Variants in THOC6 observed in about 807,000 individuals in gnomAD.
THOC6 encodes THO complex 6.
A neutral mutation model predicts 55.8 loss-of-function variants in THOC6; 39 were observed. The observed-to-expected ratio is 0.70, with a 90% confidence interval of 0.54 to 0.91. The LOEUF (loss-of-function observed/expected upper bound fraction) is 0.91, where lower values mean the gene tolerates loss of function less well. Among genes scored for constraint, THOC6 ranks in the 40% least tolerant of loss-of-function variants. The probability of loss-of-function intolerance (pLI) is 0.00; values close to 1 mark genes in which losing one functional copy is unlikely to be tolerated. For missense variants in THOC6, 482 were observed against 442.0 expected (o/e 1.09, Z -0.81); for synonymous variants, 192 against 175.6 (o/e 1.09, Z -0.74).
chr16:3,024,451 G>C, intron 1 of THOC6, 86 bp downstream of exon 1: 1 of 1,536,754 alleles, frequency 6.5e-7, no homozygotes, highest in Non-Finnish European at 9.0e-7. Flanking sequence ...CGTGCCCTGA[G>C]CCCTGTTTTG....
At chr16:3,025,856 G>A (rs1490283622) in intron 2 of THOC6, 33 bp downstream of exon 2, 3 of 1,614,012 alleles carry the variant, frequency 1.9e-6, no homozygotes, top group Non-Finnish European at 2.5e-6. Context: ...CATTAGCCCT[G>A]GCACTTGGCC....
At chr16:3,025,520 C>T (rs938520558) in intron 1 of THOC6, among the ~76,000 whole-genome samples, 188 bp from the exon 2 acceptor site, 2 of 152,258 alleles carry the variant, frequency 1.3e-5, no homozygotes, top group African/African-American at 4.8e-5. Context: ...TCCCCTTCTT[C>T]AGTGTCTTCT....
At position 3,027,520 on chromosome 16, in the gene THOC6, C is replaced by T. The variant is rs193082214; in HGVS notation, c.945+20C>T. ...TGCAAGGTGGGTCCGGCAGGGGCCGCGGAGCGGCTGGGAGGCAGGGGTGTG... is the reference window on the plus strand; with the variant it reads ...TGCAAGGTGGGTCCGGCAGGGGCCGTGGAGCGGCTGGGAGGCAGGGGTGTG... On this transcript the variant is annotated intron_variant, in intron 12 of 12. Transcript: ENST00000326266. The T allele has an allele frequency of 1.3e-5, 21 of 1,611,728 alleles. No homozygotes were observed. In the South Asian group the frequency reaches 1.4e-4, roughly 11 times the overall value.
Position 3,026,359 on chromosome 16 carries a change from C to T in THOC6, c.363-6C>T, listed in dbSNP as rs761115205. 33 of 1,613,962 alleles carry T rather than the reference C, an allele frequency of 2.0e-5. No homozygotes were observed. In the Admixed American group the frequency reaches 3.7e-4, roughly 18 times the overall value. On this transcript the variant is annotated splice_polypyrimidine_tract_variant and splice_region_variant and intron_variant, in intron 5 of 12. Coordinates refer to ENST00000326266, the MANE Select transcript of THOC6 (RefSeq NM_024339.5). Reference sequence around the variant, plus strand: ...TTCCTCACTGACCTTGCCTTTCCTTCCCCAGGACCAGCCTGGAAGTGCCTG... The same window carrying T: ...TTCCTCACTGACCTTGCCTTTCCTTTCCCAGGACCAGCCTGGAAGTGCCTG...
rs889667066 is a variant in THOC6 at position 3,024,096 on chromosome 16, C to T, written c.-231C>T. ...CGGCGCGTGGCGGAAGGCAGGCTTG[C>T]TCCTCGGGGTGGGGGAGGGTATCCG... On this transcript the variant is annotated 5_prime_UTR_variant, in exon 1 of 13. Transcript: ENST00000326266. 2.7e-6 allele frequency: 2 copies of T among 735,556 alleles called. No individual in the cohort carries two copies. The highest frequency in any genetic ancestry group is 3.5e-5 in the African/African-American group (2 of 56,564). The allele number at this position is 735,556 out of a possible 1,614,324, so 45.6% of individuals were successfully genotyped here.
Position 3,026,154 on chromosome 16 carries a change from G to A in THOC6, c.312G>A (p.Glu104=). ...DGEVKAWLWA[E]MLKKGCKELW... is the part of the protein sequence containing the mutation. ...AGGTGAAGGCCTGGCTTTGGGCGGA[G>A]ATGCTCAAGAAGGTAAGGAGTCGAG... The change falls in exon 4 of 13, where the codon GAG becomes GAA. Residue 104 remains glutamate, a synonymous_variant. Coordinates refer to ENST00000326266, the MANE Select transcript of THOC6 (RefSeq NM_024339.5). 1 of 1,609,192 alleles carries A rather than the reference G, an allele frequency of 6.2e-7. No individual in the cohort carries two copies. Among genetic ancestry groups the A allele is most frequent in the Non-Finnish European group, 8.5e-7 (1 of 1,176,488 alleles).
chr16:3,026,101 C>G lies in THOC6; in HGVS notation c.259C>G (p.Arg87Gly). ...CGTCTATAGCATGGTTTCCACCGAT[C>G]GACATCTGCTTAGTGCTGGGGATGG... ...GPVYSMVSTD[R>G]HLLSAGDGEV... The change falls in exon 4 of 13, where the codon CGA becomes GGA. Residue 87 changes from arginine (R) to glycine (G), a missense_variant. Physicochemically the swap from Arg to Gly is moderately radical, Grantham distance 125 (BLOSUM62 -2). Coordinates refer to ENST00000326266, the MANE Select transcript of THOC6 (RefSeq NM_024339.5). 1.2e-6 allele frequency: 2 copies of G among 1,608,900 alleles called. No homozygotes were observed. The highest frequency in any genetic ancestry group is 1.7e-6 in the Non-Finnish European group (2 of 1,176,174).
chr16:3,026,690 G>A lies in THOC6; in HGVS notation c.495G>A (p.Arg165=). 2.5e-6 allele frequency: 4 copies of A among 1,613,090 alleles called. No homozygotes were observed. Among genetic ancestry groups the A allele is most frequent in the Non-Finnish European group, 3.4e-6 (4 of 1,179,468 alleles). Reference sequence around the variant, plus strand: ...CCCTCTACATGCAGAGGGTCCTCCGGGGCCACACAGACTACATCCACTGCC... The same window carrying A: ...CCCTCTACATGCAGAGGGTCCTCCGAGGCCACACAGACTACATCCACTGCC... ...LETGTFTRVL[R]GHTDYIHCLA... The change falls in exon 8 of 13, where the codon CGG becomes CGA. Residue 165 remains arginine (R), a synonymous_variant. Coordinates refer to ENST00000326266, the MANE Select transcript of THOC6 (RefSeq NM_024339.5).
Position 3,027,383 on chromosome 16 carries a change from G to A in THOC6, c.828G>A (p.Gln276=), listed in dbSNP as rs2072825753. 3.1e-6 allele frequency: 5 copies of A among 1,612,702 alleles called. No homozygotes were observed. The highest frequency in any genetic ancestry group is 4.2e-6 in the Non-Finnish European group (5 of 1,179,458). ...CTCTGCAGATTCTGTCAGCTGGCCA[G>A]GGCCGCTGCGTCAACCAGTGGCAGC... ...FYQDLILSAG[Q]GRCVNQWQLS... The change falls in exon 12 of 13, where the codon CAG becomes CAA. Residue 276 remains glutamine (Q), a synonymous_variant. Coordinates refer to ENST00000326266, the MANE Select transcript of THOC6 (RefSeq NM_024339.5).
At position 3,026,590 on chromosome 16, in the gene THOC6, G is replaced by T. The variant is rs774945911; in HGVS notation, c.483+3G>T. 7 of 1,613,870 alleles carry T rather than the reference G, an allele frequency of 4.3e-6. No individual in the cohort carries two copies. The highest frequency in any genetic ancestry group is 1.3e-5 in the African/African-American group (1 of 74,914). ...ACCTTGAAACTGGGACTTTCACGGT[G>T]AGCAGGGTCCTGGAGCCCTAGAGCA... On this transcript the variant is annotated splice_donor_region_variant and intron_variant, in intron 7 of 12. Coordinates refer to ENST00000326266, the MANE Select transcript of THOC6 (RefSeq NM_024339.5).
At chr16:3,026,189 G>C in intron 4 of THOC6, 23 bp downstream of exon 4, 1 of 1,613,168 alleles carries the variant, frequency 6.2e-7, no homozygotes. Context: ...GCTTGGGAAA[G>C]GGCTGGGGTG....
In THOC6 at chr16:3,024,351, G is replaced by C; in HGVS notation, c.25G>C (p.Val9Leu). The C allele has an allele frequency of 6.2e-7, 1 of 1,614,176 alleles. No individual in the cohort carries two copies. Among genetic ancestry groups the C allele is most frequent in the African/African-American group, 1.3e-5 (1 of 75,056 alleles). The part of the protein sequence containing the change: MERAVPLA[V>L]PLGQTEVFQA... ...GATGGAGCGAGCTGTGCCGCTCGCG[G>C]TGCCTCTGGGTCAGGTGAGACGGAC... The change falls in exon 1 of 13, where the codon GTG becomes CTG. Residue 9 changes from valine to leucine, a missense_variant. Physicochemically the swap from Val to Leu is conservative, Grantham distance 32. Transcript: ENST00000326266.
At position 3,026,902 on chromosome 16, in the gene THOC6, G is replaced by A. The variant is rs924818182; in HGVS notation, c.622G>A (p.Val208Ile). The A allele has an allele frequency of 3.1e-6, 5 of 1,614,080 alleles. No individual in the cohort carries two copies. The African/African-American group carries it at 4.0e-5, about 13-fold the overall frequency. Residue 208 changes from valine (V) to isoleucine (I), a missense_variant, in exon 9 of 13, where the codon GTC becomes ATC. Coordinates refer to ENST00000326266, the MANE Select transcript of THOC6 (RefSeq NM_024339.5). ...RTAKEVQTIE[V>I]YKHEECSRPH... is the part of the protein sequence containing the mutation. ...AGCCAAGGAGGTCCAGACGATCGAG[G>A]TCTATAAGCACGAGGTGAGGGTGTG...
chr16:3,025,078 G>A (rs9936864), intron 1 of THOC6, among the ~76,000 whole-genome samples: 32 of 151,368 alleles, frequency 2.1e-4, no homozygotes, highest in African/African-American at 7.5e-4. Context: ...GAGTAGCTGA[G>A]ATTACAGGCA....
Position 3,026,167 on chromosome 16 carries a change from G to A in THOC6, c.324+1G>A, listed in dbSNP as rs776375819. The A allele has an allele frequency of 1.2e-6, 2 of 1,611,170 alleles. No individual in the cohort carries two copies. The highest frequency in any genetic ancestry group is 2.2e-5 in the South Asian group (2 of 90,844). On this transcript the variant is annotated splice_donor_variant, in intron 4 of 12. Transcript: ENST00000326266. LOFTEE classifies it high-confidence loss of function. ...GCTTTGGGCGGAGATGCTCAAGAAG[G>A]TAAGGAGTCGAGCTTGGGAAAGGGC...
At chr16:3,024,637 C>CT (rs34833478) in intron 1 of THOC6, among the ~76,000 whole-genome samples, 75,450 of 126,008 alleles carry the variant, frequency 0.6, 23,371 homozygotes, top group African/African-American at 0.68. Context: ...TTGCAAAGCA[C>CT]TTTTTTTTTT....
At chr16:3,026,976 C>A in intron 9 of THOC6, 35 bp from the exon 10 acceptor site, 1 of 1,614,164 alleles carries the variant, frequency 6.2e-7, no homozygotes, top group South Asian at 1.1e-5. Context: ...TTCTCCAGGT[C>A]TTCACCTCTT....
chr16:3,027,331 TCCTGACC>T (rs762339937), intron 11 of THOC6, 28 bp from the exon 12 acceptor site: 1 of 1,614,044 alleles, frequency 6.2e-7, no homozygotes, highest in Non-Finnish European at 8.5e-7. Flanking sequence ...TTCCCTTCAG[TCCTGACC>T]CCTGAGCACC....
chr16:3,026,968 C>G (rs2072812513), intron 9 of THOC6, 43 bp from the exon 10 acceptor site: 15 of 1,614,204 alleles, frequency 9.3e-6, no homozygotes, highest in Non-Finnish European at 1.3e-5. Context: ...TCCTTGAATT[C>G]TCCAGGTCTT....
Sources: allele counts gnomAD v4.1 joint callset (sites outside exome capture counted in the v4.1 genomes callset), GRCh38; gene constraint gnomAD v4.1.1; transcripts MANE v1.5; gene names NCBI Gene and HGNC (gene_info 2026-07-23, HGNC 2026-07-21).